The following GRK7 variants were observed in gnomAD, a reference collection of about 807,000 sequenced individuals.
GRK7 encodes the protein rhodopsin kinase GRK7.
In GRK7, 24 loss-of-function variants were observed where a neutral mutation model predicts 34.1. The observed-to-expected ratio is 0.70, with a 90% CI of 0.51 to 0.99. GRK7 has a LOEUF of 0.99. Ranked by LOEUF, GRK7 falls within the 50% of genes least tolerant of loss-of-function variation. The pLI is 0.00. For missense variants in GRK7, 644 were observed against 707.3 expected (o/e 0.91, Z 1.02); for synonymous variants, 256 against 279.4 (o/e 0.92, Z 0.84).
chr3:141,772,399 G>C (rs1169356860), intron 1 of GRK7, among the ~76,000 whole-genome samples: 3 of 152,046 alleles, frequency 2.0e-5, no homozygotes, highest in Non-Finnish European at 4.4e-5. Flanking sequence ...GGCCTTTTTG[G>C]GTATTTTAAT....
In GRK7 at chr3:141,773,234, A is replaced by T. The variant is rs182222890; in HGVS notation, c.-214-1346A>T. Among the ~76,000 whole-genome samples the T allele has an allele frequency of 5.4e-3, 828 of 152,162 alleles. 2 individuals are homozygous for T. The highest frequency in any genetic ancestry group is 9.1e-3 in the Non-Finnish European group (619 of 67,996). On this transcript the variant is annotated intron_variant, in intron 1 of 5. Coordinates refer to ENST00000682958, the MANE Select transcript of GRK7 (RefSeq NM_139209.3). The stretch of plus-strand genomic sequence containing the variant: ...TAGTCTTCTTTTTGTGGTGGAATAT[A>T]GTAAATTGTTGAGTTACAATAGTGT...
chr3:141,803,285 AG>A (rs1356602246), intron 4 of GRK7, among the ~76,000 whole-genome samples: 14 of 121,640 alleles, frequency 1.2e-4, no homozygotes, highest in African/African-American at 3.9e-4. Context: ...AAAAAAAAAA[AG>A]CCAGGCGTGG....
chr3:141,794,835 G>A (rs2084741547), intron 4 of GRK7, among the ~76,000 whole-genome samples: 1 of 152,070 alleles, frequency 6.6e-6, no homozygotes, highest in African/African-American at 2.4e-5. Flanking sequence ...GGGAGATGGG[G>A]TGTCAAGAAT....
At chr3:141,787,628 A>G (rs2107882510) in intron 4 of GRK7, among the ~76,000 whole-genome samples, 1 of 151,162 alleles carries the variant, frequency 6.6e-6, no homozygotes, top group Middle Eastern at 3.4e-3. Flanking sequence ...CTGCCTCAAA[A>G]AAAAAAAAAA....
At position 141,778,413 on chromosome 3, in the gene GRK7, G is replaced by A; in HGVS notation, c.129G>A (p.Gln43=). 1 of 1,612,768 alleles carries A rather than the reference G, an allele frequency of 6.2e-7. No individual in the cohort carries two copies. Among genetic ancestry groups the A allele is most frequent in the Non-Finnish European group, 8.5e-7 (1 of 1,179,804 alleles). The part of the protein sequence containing the change: ...RRRSLALPGL[Q]GCAELRQKLS... ...GTAGCCTGGCCCTGCCCGGGCTGCAGGGCTGCGCGGAGCTCCGCCAGAAGC... is the reference window on the plus strand; with the variant it reads ...GTAGCCTGGCCCTGCCCGGGCTGCAAGGCTGCGCGGAGCTCCGCCAGAAGC... The change falls in exon 3 of 6, where the codon CAG becomes CAA. Residue 43 remains glutamine, a synonymous_variant. Transcript: ENST00000682958. The surrounding 1 kb of genome is among the most constrained non-coding windows in gnomAD (Gnocchi z 4.1).
chr3:141,811,466 G>T (rs1317941529), intron 5 of GRK7, among the ~76,000 whole-genome samples: 1 of 152,040 alleles, frequency 6.6e-6, no homozygotes, highest in Non-Finnish European at 1.5e-5. Flanking sequence ...CTAAAGACTG[G>T]TCACTCCCTG....
At chr3:141,806,291 G>A (rs1166656609) in intron 4 of GRK7, among the ~76,000 whole-genome samples, 3 of 152,080 alleles carry the variant, frequency 2.0e-5, no homozygotes, top group East Asian at 1.9e-4. Flanking sequence ...GGCCAGGCAC[G>A]GTGGCTCACA....
intron 5 of GRK7, among the ~76,000 whole-genome samples, chr3:141,815,579 T>C (rs1344531333): frequency 6.6e-6 from 1 of 152,164 alleles, no homozygotes; most frequent in Non-Finnish European, 1.5e-5. Context: ...TTCATACTCA[T>C]GTATAATCCC....
chr3:141,799,683 A>G (rs1052692773), intron 4 of GRK7, among the ~76,000 whole-genome samples: 2 of 152,104 alleles, frequency 1.3e-5, no homozygotes, highest in African/African-American at 4.8e-5. Flanking sequence ...TAACCTCTCT[A>G]TGGTTCAGTT....
At chr3:141,784,952 G>A (rs1181376585) in intron 4 of GRK7, among the ~76,000 whole-genome samples, 2 of 152,162 alleles carry the variant, frequency 1.3e-5, no homozygotes, top group Admixed American at 6.5e-5. Context: ...AGCCCCACGC[G>A]ATGCCCTGAG....
intron 4 of GRK7, among the ~76,000 whole-genome samples, chr3:141,783,262 G>T (rs752530958): frequency 6.6e-6 from 1 of 152,202 alleles, no homozygotes; most frequent in Non-Finnish European, 1.5e-5. Flanking sequence ...GCTGACAAAT[G>T]ACATTCTTGA....
At chr3:141,765,892 T>G (rs1172294300) in intron 1 of GRK7, among the ~76,000 whole-genome samples, 154 bp downstream of exon 1, 2 of 152,254 alleles carry the variant, frequency 1.3e-5, no homozygotes, top group Admixed American at 1.3e-4. Flanking sequence ...AATTCTCTTT[T>G]ATACATCAAA....
At chr3:141,781,724 G>A (rs1011423887) in intron 4 of GRK7, among the ~76,000 whole-genome samples, 2 of 152,150 alleles carry the variant, frequency 1.3e-5, no homozygotes, top group African/African-American at 4.8e-5. Context: ...AGAAAACAAA[G>A]GCAACTGATG....
upstream of GRK7, among the ~76,000 whole-genome samples, chr3:141,763,081 C>T (rs377658062): frequency 3.6e-4 from 55 of 152,270 alleles, no homozygotes; most frequent in East Asian, 9.1e-3. Flanking sequence ...AGAAATCACC[C>T]GTCTTCTGTG....
intron 4 of GRK7, among the ~76,000 whole-genome samples, chr3:141,792,655 A>C (rs1411642377): frequency 6.6e-6 from 1 of 152,228 alleles, no homozygotes; most frequent in Non-Finnish European, 1.5e-5. Flanking sequence ...AGATTTACAC[A>C]TGGAAGATAT....
intron 4 of GRK7, among the ~76,000 whole-genome samples, chr3:141,804,074 G>C (rs903238529): frequency 3.9e-5 from 6 of 152,032 alleles, no homozygotes; most frequent in African/African-American, 1.2e-4. Flanking sequence ...TACTAGATTT[G>C]CTTTATCAAA....
intron 1 of GRK7, among the ~76,000 whole-genome samples, chr3:141,768,328 C>T (rs1161777431): frequency 6.7e-6 from 1 of 149,422 alleles, no homozygotes; most frequent in Non-Finnish European, 1.5e-5. Flanking sequence ...TGCAGTGGTG[C>T]AATCTTGGCT....
intron 4 of GRK7, among the ~76,000 whole-genome samples, chr3:141,799,133 C>T (rs1240375383): frequency 6.6e-6 from 1 of 152,058 alleles, no homozygotes; most frequent in Non-Finnish European, 1.5e-5. Flanking sequence ...GGAGAATTCA[C>T]TGGGATAAGG....
chr3:141,789,543 C>T (rs1323438284), intron 4 of GRK7, among the ~76,000 whole-genome samples: 4 of 151,982 alleles, frequency 2.6e-5, no homozygotes, highest in Admixed American at 1.3e-4. Flanking sequence ...ACTGCCTGTC[C>T]CAGGAGCCAG....
Sources: gnomAD v4.1 joint callset for allele counts (sites outside exome capture counted in the v4.1 genomes callset) on GRCh38, gnomAD v4.1.1 for gene constraint, Gnocchi (gnomAD v3.1) non-coding constraint, MANE v1.5 for transcripts, NCBI Gene and HGNC (gene_info 2026-07-23, HGNC 2026-07-21) for gene names.